Variants in RAB3IL1 observed in about 807,000 individuals in gnomAD.
RAB3IL1 encodes RAB3A interacting protein like 1, also known as guanine nucleotide exchange factor for Rab-3A.
In RAB3IL1, 37 loss-of-function variants were observed where a neutral mutation model predicts 49.2. The observed-to-expected ratio is 0.75, with a 90% CI of 0.58 to 0.99. RAB3IL1 has a LOEUF of 0.99. Among genes scored for constraint, RAB3IL1 ranks in the 50% least tolerant of loss-of-function variants. RAB3IL1 has a pLI of 0.00. For missense variants in RAB3IL1, 484 were observed against 513.0 expected (o/e 0.94, Z 0.55); for synonymous variants, 193 against 213.9 (o/e 0.90, Z 0.85).
the RAB3IL1 span, among the ~76,000 whole-genome samples, chr11:61,925,841 G>C: frequency 6.6e-6 from 1 of 152,096 alleles, no homozygotes; most frequent in South Asian, 2.1e-4. Context: ...CCTTGGAGGC[G>C]AGTTAAAGAA....
the RAB3IL1 span, among the ~76,000 whole-genome samples, chr11:61,942,465 ATT>A: frequency 1.4e-5 from 2 of 140,538 alleles, no homozygotes; most frequent in Non-Finnish European, 3.1e-5. Context: ...AAAAAAATAA[ATT>A]AAAAAACAAA....
intron 7 of RAB3IL1, among the ~76,000 whole-genome samples, chr11:61,902,863 C>T (rs1437702253): frequency 6.6e-6 from 1 of 152,166 alleles, no homozygotes; most frequent in Non-Finnish European, 1.5e-5. Context: ...TCTCCCTCTA[C>T]TTCTGGGGAC....
chr11:61,904,754 C>T lies in RAB3IL1; in HGVS notation c.786G>A (p.Glu262=), dbSNP rs772086989. 1.1e-4 allele frequency: 174 copies of T among 1,601,866 alleles called. No homozygotes were observed. The highest frequency in any genetic ancestry group is 1.3e-4 in the Non-Finnish European group (157 of 1,174,778). ...VGPCLDFTMQ[E]LSVLVRAAVE... ...TGGCCCCGCCCCTGCCATGCCTCAC[C>T]TCCTGCATTGTGAAGTCCAGGCAGG... The change falls in exon 6 of 10, where the codon GAG becomes GAA. Residue 262 remains glutamate, a splice_region_variant and synonymous_variant. Transcript: ENST00000394836.
chr11:61,900,645 G>C (rs73491227), intron 8 of RAB3IL1, among the ~76,000 whole-genome samples: 2,841 of 152,236 alleles, frequency 0.019, 87 homozygotes, highest in African/African-American at 0.065. Flanking sequence ...TAGCAGGGAG[G>C]GGGCTTTCCC....
chr11:61,916,486 G>T (rs1200869023), intron 1 of RAB3IL1, among the ~76,000 whole-genome samples: 1 of 116,338 alleles, frequency 8.6e-6, no homozygotes, highest in Non-Finnish European at 1.8e-5. Flanking sequence ...GGAGTGAAGT[G>T]GATCCTGCCT....
chr11:61,944,991 A>C, the RAB3IL1 span, among the ~76,000 whole-genome samples: 7 of 152,110 alleles, frequency 4.6e-5, no homozygotes, highest in African/African-American at 7.2e-5. Flanking sequence ...AGGAGCCACC[A>C]CACCTGGCCT....
At chr11:61,916,354 A>G (rs1046708530) in intron 1 of RAB3IL1, among the ~76,000 whole-genome samples, 3 of 151,982 alleles carry the variant, frequency 2.0e-5, no homozygotes, top group Non-Finnish European at 2.9e-5. Flanking sequence ...TCAAAAAAAA[A>G]AAAAGTCCCA....
chr11:61,907,779 A>C (rs1020248237), intron 2 of RAB3IL1, 119 bp from the exon 3 acceptor site: 2 of 997,118 alleles, frequency 2.0e-6, no homozygotes, highest in Non-Finnish European at 3.0e-6. Context: ...CTCAGAGTTT[A>C]TTTCCTCTGG....
upstream of RAB3IL1, among the ~76,000 whole-genome samples, chr11:61,920,918 C>T (rs574153294): frequency 6.4e-4 from 98 of 152,122 alleles, no homozygotes; most frequent in African/African-American, 2.2e-3. Context: ...AGCAAAACTC[C>T]GTCTCAAAAA....
At chr11:61,935,666 C>T in the RAB3IL1 span, among the ~76,000 whole-genome samples, 1 of 151,896 alleles carries the variant, frequency 6.6e-6, no homozygotes, top group African/African-American at 2.4e-5. Flanking sequence ...AGGCACCTAT[C>T]ACCATGCCTG....
upstream of RAB3IL1, among the ~76,000 whole-genome samples, chr11:61,922,230 AAAG>A (rs1203016247): frequency 6.6e-6 from 1 of 151,718 alleles, no homozygotes; most frequent in Non-Finnish European, 1.5e-5. Context: ...AAGTTTAAAA[AAAG>A]AAGACAGCTG....
the RAB3IL1 span, among the ~76,000 whole-genome samples, chr11:61,928,734 C>T: frequency 6.6e-6 from 1 of 152,208 alleles, no homozygotes; most frequent in African/African-American, 2.4e-5. Context: ...TGGCTCCAGG[C>T]AGAAGCAGAT....
the RAB3IL1 span, among the ~76,000 whole-genome samples, chr11:61,939,166 AT>A: frequency 3.3e-5 from 5 of 152,144 alleles, no homozygotes; most frequent in Non-Finnish European, 7.3e-5. Flanking sequence ...ATTTTAAAGA[AT>A]TGAAATCATA....
intron 1 of RAB3IL1, among the ~76,000 whole-genome samples, chr11:61,913,357 A>G (rs980852230): frequency 6.6e-6 from 1 of 152,214 alleles, no homozygotes; most frequent in Non-Finnish European, 1.5e-5. Context: ...CCTGGGCCAC[A>G]GGGGAAGGGG....
At chr11:61,927,256 T>G in the RAB3IL1 span, among the ~76,000 whole-genome samples, 1 of 152,148 alleles carries the variant, frequency 6.6e-6, no homozygotes. Flanking sequence ...TTGGAAGCTT[T>G]CTGAGGCCCT....
At chr11:61,915,812 C>A (rs539292438) in intron 1 of RAB3IL1, among the ~76,000 whole-genome samples, 11 of 151,230 alleles carry the variant, frequency 7.3e-5, no homozygotes, top group Non-Finnish European at 1.0e-4. Flanking sequence ...CTGAGGCGGG[C>A]GGATCACAAG....
the RAB3IL1 span, among the ~76,000 whole-genome samples, chr11:61,930,963 C>T: frequency 4.6e-5 from 7 of 152,066 alleles, no homozygotes; most frequent in Non-Finnish European, 8.8e-5. Context: ...ATTAAAGCTA[C>T]AGGGGAAAAT....
At chr11:61,901,542 G>C (rs1938915558) in intron 8 of RAB3IL1, among the ~76,000 whole-genome samples, 1 of 152,230 alleles carries the variant, frequency 6.6e-6, no homozygotes, top group South Asian at 2.1e-4. Flanking sequence ...GAATGACAGA[G>C]GGGGGCGATG....
At chr11:61,946,082 G>T in the RAB3IL1 span, among the ~76,000 whole-genome samples, 2 of 152,142 alleles carry the variant, frequency 1.3e-5, no homozygotes, top group African/African-American at 4.8e-5. Flanking sequence ...GCCCTGGACT[G>T]GCAGTGTCCC....
Sources: allele counts gnomAD v4.1 joint callset (sites outside exome capture counted in the v4.1 genomes callset), GRCh38; gene constraint gnomAD v4.1.1; transcripts MANE v1.5; gene names NCBI Gene and HGNC (gene_info 2026-07-23, HGNC 2026-07-21).